The following HUNK variants were observed in gnomAD, a reference collection of about 807,000 sequenced individuals.
HUNK encodes hormonally up-regulated neu tumor-associated kinase.
A neutral mutation model predicts 61.0 loss-of-function variants in HUNK; 21 were observed. That is an observed-to-expected ratio of 0.34 (90% confidence interval 0.24 to 0.50). The LOEUF is 0.50. Ranked by LOEUF, HUNK falls within the 20% of genes least tolerant of loss-of-function variation. HUNK has a pLI of 0.98. For missense variants in HUNK, 772 were observed against 945.7 expected, an observed-to-expected ratio of 0.82 and a Z score of 2.41; for synonymous variants, 371 against 386.1, an observed-to-expected ratio of 0.96 and a Z score of 0.46.
chr21:31,914,136 A>G (rs2052565477), intron 1 of HUNK, among the ~76,000 whole-genome samples: 1 of 152,090 alleles, frequency 6.6e-6, no homozygotes, highest in Non-Finnish European at 1.5e-5. Flanking sequence ...GGCCGGGCGC[A>G]GTGGCTCATG....
At chr21:31,991,482 G>A (rs933172357) in intron 9 of HUNK, among the ~76,000 whole-genome samples, 8 of 152,186 alleles carry the variant, frequency 5.3e-5, no homozygotes, top group Non-Finnish European at 1.0e-4. Context: ...GCCTCCCAAA[G>A]TGCTGGGATT....
Position 32,000,090 on chromosome 21 carries a change from C to T in HUNK, c.*906C>T. 1 of 397,932 alleles carries T rather than the reference C, an allele frequency of 2.5e-6. No homozygotes were observed. Among genetic ancestry groups the T allele is most frequent in the Non-Finnish European group, 4.4e-6 (1 of 226,006 alleles). 24.7% of individuals were successfully genotyped at this position (397,932 alleles called of 1,614,324 possible). On this transcript the variant is annotated 3_prime_UTR_variant, in exon 11 of 11. Transcript: ENST00000270112. ...GTTCATCCTGTTGTTTAAGGCATAG[C>T]CCTGATCCTTCTGGAAGGCATAGAA...
At chr21:31,925,973 G>A (rs890524387) in intron 2 of HUNK, among the ~76,000 whole-genome samples, 5 of 151,238 alleles carry the variant, frequency 3.3e-5, no homozygotes, top group Admixed American at 1.3e-4. Flanking sequence ...CCAGGCTGGA[G>A]TGCAATGGCG....
At chr21:31,949,912 A>G (rs1250624327) in intron 4 of HUNK, among the ~76,000 whole-genome samples, 2 of 152,148 alleles carry the variant, frequency 1.3e-5, no homozygotes, top group South Asian at 2.1e-4. Context: ...GACTCATCCT[A>G]TCTGCCTAAC....
At chr21:31,934,375 G>C (rs945654308) in intron 2 of HUNK, among the ~76,000 whole-genome samples, 1 of 148,562 alleles carries the variant, frequency 6.7e-6, no homozygotes. Context: ...CCCGGGAAGC[G>C]GAACTTGCAG....
chr21:31,917,006 C>G (rs927440269), intron 1 of HUNK, among the ~76,000 whole-genome samples: 3 of 152,026 alleles, frequency 2.0e-5, no homozygotes, highest in Non-Finnish European at 4.4e-5. Flanking sequence ...TCTCCTGCAT[C>G]TTGTATTTCG....
rs2053257572 is a variant in HUNK at position 32,003,232 on chromosome 21, C to G, written c.*4048C>G. ...TTGCATTTTTAAGTCCTTTTCAAAA[C>G]TGTGCAGCTTCCTGAACCTTATGCT... On this transcript the variant is annotated 3_prime_UTR_variant, in exon 11 of 11. Transcript: ENST00000270112. 1 of 152,222 alleles carries G rather than the reference C, an allele frequency of 6.6e-6. No homozygotes were observed. The highest frequency in any genetic ancestry group is 1.5e-5 in the Non-Finnish European group (1 of 68,048). The allele number at this position is 152,222 out of a possible 1,614,324, so 9.4% of individuals were successfully genotyped here.
At chr21:31,908,290 C>G (rs955120786) in intron 1 of HUNK, among the ~76,000 whole-genome samples, 1 of 151,914 alleles carries the variant, frequency 6.6e-6, no homozygotes, top group Non-Finnish European at 1.5e-5. Context: ...AACTTCTCAT[C>G]GAGGAATCTG....
intron 5 of HUNK, among the ~76,000 whole-genome samples, chr21:31,965,014 G>A (rs867059982): frequency 2.2e-4 from 34 of 152,268 alleles, no homozygotes; most frequent in Middle Eastern, 6.8e-3. Flanking sequence ...AATTCATTAA[G>A]CCCTCATCTT....
chr21:31,894,273 G>A (rs1176086373), intron 1 of HUNK, among the ~76,000 whole-genome samples: 1 of 152,154 alleles, frequency 6.6e-6, no homozygotes, highest in African/African-American at 2.4e-5. Context: ...AAAGAGAAAG[G>A]AGAAAATAGC....
intron 1 of HUNK, among the ~76,000 whole-genome samples, chr21:31,898,341 C>T (rs545858570): frequency 6.6e-6 from 1 of 152,324 alleles, no homozygotes; most frequent in East Asian, 1.9e-4. Context: ...TCTCGGCTCA[C>T]TGCAACCTCC....
rs534721658 is a variant in HUNK at position 31,948,905 on chromosome 21, C to T, written c.746+2734C>T. On this transcript the variant is annotated intron_variant, in intron 4 of 10. Transcript: ENST00000270112. ...TTCCTGGAACTTTCCCAGAAGGGGCCGACTCTTCTGGAACCCTGGCTAAGA... is the reference window on the plus strand; with the variant it reads ...TTCCTGGAACTTTCCCAGAAGGGGCTGACTCTTCTGGAACCCTGGCTAAGA... Among the ~76,000 whole-genome samples, 5 of 152,232 alleles carry T rather than the reference C, an allele frequency of 3.3e-5. No individual in the cohort carries two copies. In the East Asian group the frequency reaches 5.8e-4, roughly 18 times the overall value.
intron 5 of HUNK, among the ~76,000 whole-genome samples, chr21:31,961,522 T>C (rs950776190): frequency 1.5e-4 from 23 of 152,244 alleles, no homozygotes; most frequent in African/African-American, 5.3e-4. Context: ...ACTAGCAATA[T>C]GTGCATGATC....
chr21:31,998,927 C>T lies in HUNK; in HGVS notation c.1888C>T (p.Pro630Ser), dbSNP rs61743695. ...VSFAHEDKNS[P>S]PKEEGLCCPP... ...TTTTGCTCACGAAGATAAGAACAGC[C>T]CCCCAAAAGAGGAGGGCCTGTGTTG... Residue 630 changes from proline to serine, a missense_variant, in exon 11 of 11, where the codon CCC (proline) becomes TCC (serine). This residue lies in a region of HUNK where 413 missense variants were observed against 444.4 expected (regional missense o/e 0.93). Coordinates refer to ENST00000270112, the MANE Select transcript of HUNK (RefSeq NM_014586.2). 869 of 1,614,220 alleles carry T rather than the reference C, an allele frequency of 5.4e-4. 6 individuals are homozygous for T. The African/African-American group carries it at 0.01, about 19-fold the overall frequency.
chr21:31,960,900 C>T (rs565893990), intron 5 of HUNK, among the ~76,000 whole-genome samples: 2 of 152,314 alleles, frequency 1.3e-5, no homozygotes, highest in East Asian at 1.9e-4. Context: ...AATATCACCA[C>T]TGGGAAATTA....
chr21:31,914,940 G>T (rs982466000), intron 1 of HUNK, among the ~76,000 whole-genome samples: 1 of 152,040 alleles, frequency 6.6e-6, no homozygotes, highest in East Asian at 1.9e-4. Flanking sequence ...CCATGACAAA[G>T]AATCTGAATT....
At chr21:31,947,281 C>T (rs1237637233) in intron 4 of HUNK, among the ~76,000 whole-genome samples, 4 of 141,090 alleles carry the variant, frequency 2.8e-5, no homozygotes, top group African/African-American at 1.1e-4. Flanking sequence ...ATTCCCACAT[C>T]CCGGGCTCAA....
intron 5 of HUNK, among the ~76,000 whole-genome samples, chr21:31,963,415 T>G (rs2052942094): frequency 6.6e-6 from 1 of 152,254 alleles, no homozygotes; most frequent in African/African-American, 2.4e-5. Flanking sequence ...TTGAGTAATG[T>G]CAATCCAAAT....
chr21:31,889,652 T>C (rs2052372485), intron 1 of HUNK, among the ~76,000 whole-genome samples: 2 of 152,216 alleles, frequency 1.3e-5, no homozygotes, highest in Non-Finnish European at 2.9e-5. Flanking sequence ...AAGCTAACAT[T>C]TGTGAGAAGT....
Sources: allele counts gnomAD v4.1 joint callset (sites outside exome capture counted in the v4.1 genomes callset), GRCh38; gene constraint gnomAD v4.1.1; regional missense constraint gnomAD v4.1.1; transcripts MANE v1.5; gene names NCBI Gene and HGNC (gene_info 2026-07-23, HGNC 2026-07-21).